The following GLOD4 variants were observed in gnomAD, a reference collection of about 807,000 sequenced individuals.
GLOD4 encodes the protein glyoxalase domain containing 4.
GLOD4 carries 44 observed loss-of-function variants against 39.1 expected under a neutral mutation model. The ratio of observed to expected loss-of-function variants is 1.13; its 90% confidence interval spans 0.88 to 1.45. The LOEUF (loss-of-function observed/expected upper bound fraction) is 1.45, where lower values mean the gene tolerates loss of function less well. GLOD4 is among the 40% of genes most tolerant of loss of function. The pLI is 0.00. For missense variants in GLOD4, 405 were observed against 366.4 expected (o/e 1.11, Z -0.86); for synonymous variants, 145 against 135.0 (o/e 1.07, Z -0.52).
At chr17:769,423 C>T (rs796760940) in intron 8 of GLOD4, among the ~76,000 whole-genome samples, 1 of 35,524 alleles carries the variant, frequency 2.8e-5, no homozygotes, top group African/African-American at 1.2e-4. Context: ...ATCTCCCTGG[C>T]GAGAGCTGAG....
intron 8 of GLOD4, among the ~76,000 whole-genome samples, chr17:762,735 G>A (rs1183074264): frequency 1.3e-5 from 2 of 151,924 alleles, no homozygotes; most frequent in Admixed American, 6.5e-5. Flanking sequence ...GGGATGAAGG[G>A]GAATAATTTC....
intron 8 of GLOD4, among the ~76,000 whole-genome samples, chr17:760,769 T>G (rs1031022485): frequency 6.6e-6 from 1 of 152,210 alleles, no homozygotes; most frequent in African/African-American, 2.4e-5. Context: ...ATGTTGGTTC[T>G]GTTTAGTTTG....
upstream of GLOD4, among the ~76,000 whole-genome samples, chr17:785,161 CT>C (rs1244019860): frequency 6.6e-6 from 1 of 150,926 alleles, no homozygotes; most frequent in African/African-American, 2.4e-5. Flanking sequence ...TAGTGCTTGG[CT>C]TAAAAAAAAA....
At chr17:780,223 A>G (rs1909656260) in intron 1 of GLOD4, among the ~76,000 whole-genome samples, 2 of 152,196 alleles carry the variant, frequency 1.3e-5, no homozygotes, top group Non-Finnish European at 2.9e-5. Context: ...CTTCCTTAAT[A>G]ACACCAAAAA....
Position 760,190 on chromosome 17 carries a change from G to A in GLOD4, c.880C>T (p.Pro294Ser). ...GTCTTCCGTTAACCTGAAGCTTTGG[G>A]TTTATTGTGTTTGGCAAACCACTCG... is the stretch of plus-strand genomic sequence containing the variant. ...SDEWFAKHNK[P>S]KASG The change falls in exon 9 of 9, where the codon CCC becomes TCC. Residue 294 changes from proline to serine, a missense_variant. Transcript: ENST00000301329. The A allele has an allele frequency of 6.3e-7, 1 of 1,598,352 alleles. No homozygotes were observed. The highest frequency in any genetic ancestry group is 1.1e-5 in the South Asian group (1 of 90,768).
At chr17:780,917 C>CTTTTTTT (rs897931602) in intron 1 of GLOD4, among the ~76,000 whole-genome samples, 1 of 120,830 alleles carries the variant, frequency 8.3e-6, no homozygotes, top group African/African-American at 3.1e-5. Flanking sequence ...GGTGTTGAAT[C>CTTTTTTT]TTTTTTTTTT....
Position 770,132 on chromosome 17 carries a change from TTCA to T in GLOD4, c.653_655del (p.Met218del). On this transcript the variant is annotated inframe_deletion, in exon 7 of 9. Coordinates refer to ENST00000301329, the MANE Select transcript of GLOD4 (RefSeq NM_016080.4). The stretch of plus-strand genomic sequence containing the variant: ...AGTCAGAATCTTCTGGTTCTCCCTT[TTCA>T]TCAAGTCTTCTAAGTCTGGCAACTT... 1 of 1,611,190 alleles carries T rather than the reference TTCA, an allele frequency of 6.2e-7. No homozygotes were observed.
At chr17:762,782 G>A (rs527380494) in intron 8 of GLOD4, among the ~76,000 whole-genome samples, 49 of 152,354 alleles carry the variant, frequency 3.2e-4, no homozygotes, top group African/African-American at 1.1e-3. Context: ...CTTACTCAGT[G>A]TATGGTATTC....
chr17:760,347 A>G, intron 8 of GLOD4, 109 bp from the exon 9 acceptor site: 2 of 669,900 alleles, frequency 3.0e-6, no homozygotes, highest in Admixed American at 2.7e-5. Flanking sequence ...TAACATTAAA[A>G]AAAGGACCCA....
intron 8 of GLOD4, among the ~76,000 whole-genome samples, chr17:763,295 G>A (rs894819334): frequency 7.2e-5 from 11 of 152,094 alleles, no homozygotes; most frequent in African/African-American, 2.7e-4. Flanking sequence ...ATCACCTGAG[G>A]TCAAGAGTTC....
upstream of GLOD4, among the ~76,000 whole-genome samples, chr17:785,225 A>G (rs1479889345): frequency 3.3e-5 from 5 of 152,184 alleles, no homozygotes; most frequent in African/African-American, 1.2e-4. Flanking sequence ...TGGTGATTCA[A>G]AAAGAAACTT....
At position 762,029 on chromosome 17, in the gene GLOD4, A is replaced by G. The variant is rs368757136; in HGVS notation, c.832-1791T>C. Among the ~76,000 whole-genome samples the G allele has an allele frequency of 9.8e-5, 15 of 152,312 alleles. 1 individual carries two copies. The East Asian group carries it at 1.7e-3, about 18-fold the overall frequency. ...TGTCAGAGAGTTTGAAATTTATCTC[A>G]GAGGCAAGAGAGAGCTATCGGATTA... On this transcript the variant is annotated intron_variant, in intron 8 of 8. Transcript: ENST00000301329.
In GLOD4 at chr17:767,910, C is replaced by G. The variant is rs1324014878; in HGVS notation, c.831+1959G>C. 2.2e-5 allele frequency among the ~76,000 whole-genome samples: 3 copies of G among 134,816 alleles called. No homozygotes were observed. The South Asian group carries it at 7.5e-4, about 34-fold the overall frequency. The allele number at this position is 134,816 out of a possible 152,430, so 88.4% of individuals were successfully genotyped here. ...ACGTAAGAGAGAGAAACAGCGCGCACTCAGATTTTTAGAAAAAATCTGGAG... is the reference window on the plus strand; with the variant it reads ...ACGTAAGAGAGAGAAACAGCGCGCAGTCAGATTTTTAGAAAAAATCTGGAG... On this transcript the variant is annotated intron_variant, in intron 8 of 8. Transcript: ENST00000301329.
rs529182001 is a variant in GLOD4 at position 768,162 on chromosome 17, C to T, written c.831+1707G>A. Among the ~76,000 whole-genome samples, 97 of 137,576 alleles carry T rather than the reference C, an allele frequency of 7.1e-4. 4 individuals are homozygous for T. Among genetic ancestry groups the T allele is most frequent in the African/African-American group, 1.9e-3 (66 of 34,654 alleles). 90.3% of individuals were successfully genotyped at this position (137,576 alleles called of 152,430 possible). On this transcript the variant is annotated intron_variant, in intron 8 of 8. Coordinates refer to ENST00000301329, the MANE Select transcript of GLOD4 (RefSeq NM_016080.4). ...ATTTTTAGAAGAAATCTGGAGAGGA[C>T]GTGAGAGAGAGAAACGGCGCACACT... is the stretch of plus-strand genomic sequence containing the variant.
upstream of GLOD4, chr17:783,068 T>A (rs780401446): frequency 7.0e-6 from 11 of 1,560,480 alleles, no homozygotes; most frequent in East Asian, 6.8e-5. Flanking sequence ...TTTTTTTTTT[T>A]ATTTCCATCT....
chr17:783,540 T>C (rs1419189517), upstream of GLOD4: 1 of 414,166 alleles, frequency 2.4e-6, no homozygotes, highest in Non-Finnish European at 4.4e-6. Flanking sequence ...TTTCACCATG[T>C]TGGCCAGGCT....
chr17:771,677 A>G (rs1303338457), intron 4 of GLOD4, among the ~76,000 whole-genome samples: 1 of 152,152 alleles, frequency 6.6e-6, no homozygotes, highest in East Asian at 1.9e-4. Context: ...AGACCAATGC[A>G]GGTAAAACAC....
chr17:785,349 A>G (rs1311406585), upstream of GLOD4, among the ~76,000 whole-genome samples: 3 of 152,124 alleles, frequency 2.0e-5, no homozygotes, highest in Non-Finnish European at 1.5e-5. Flanking sequence ...CTCTTTTCCC[A>G]TAAATTCTTT....
chr17:776,119 T>C (rs917618271), intron 3 of GLOD4, among the ~76,000 whole-genome samples, 200 bp from the exon 4 acceptor site: 4 of 152,234 alleles, frequency 2.6e-5, no homozygotes, highest in African/African-American at 9.6e-5. Flanking sequence ...TTGTGAATAA[T>C]AGGACAGAAA....
Sources: allele counts gnomAD v4.1 joint callset (sites outside exome capture counted in the v4.1 genomes callset), GRCh38; gene constraint gnomAD v4.1.1; transcripts MANE v1.5; gene names NCBI Gene and HGNC (gene_info 2026-07-23, HGNC 2026-07-21).